Variants in TCF12 observed in about 807,000 individuals in gnomAD.
TCF12 encodes transcription factor 12, also known as DNA-binding protein HTF4.
TCF12 carries 45 observed loss-of-function variants against 86.0 expected under a neutral mutation model. That is an observed-to-expected ratio of 0.52 (90% CI 0.41 to 0.67). TCF12 has a LOEUF of 0.67. Ranked by LOEUF, TCF12 falls within the 30% of genes least tolerant of loss-of-function variation. The probability of loss-of-function intolerance (pLI) is 0.00; values close to 1 mark genes in which losing one functional copy is unlikely to be tolerated. For synonymous variants in TCF12, 330 were observed against 299.6 expected, an observed-to-expected ratio of 1.10 and a Z score of -1.05; for missense variants, 881 against 859.9, an observed-to-expected ratio of 1.02 and a Z score of -0.31.
chr15:57,138,106 G>C (rs1364821172), intron 5 of TCF12, among the ~76,000 whole-genome samples: 1 of 152,042 alleles, frequency 6.6e-6, no homozygotes, highest in Non-Finnish European at 1.5e-5. Flanking sequence ...CCTTAAGCCA[G>C]TTCTCTCCTT....
chr15:57,223,425 G>GC (rs1203442224), intron 8 of TCF12, among the ~76,000 whole-genome samples: 8 of 151,970 alleles, frequency 5.3e-5, no homozygotes, highest in African/African-American at 1.9e-4. Flanking sequence ...ACTGGGAAAA[G>GC]CACAAGGCCA....
At chr15:57,152,946 C>T (rs1013219002) in intron 5 of TCF12, among the ~76,000 whole-genome samples, 3 of 151,064 alleles carry the variant, frequency 2.0e-5, no homozygotes, top group Admixed American at 6.6e-5. Flanking sequence ...CAACCAGAGG[C>T]AGAAAAAAAA....
intron 8 of TCF12, chr15:57,214,255 A>T (rs1246967311): frequency 6.6e-6 from 1 of 152,208 alleles, no homozygotes; most frequent in Non-Finnish European, 1.5e-5. Flanking sequence ...CAGTAATTAT[A>T]TAGTTCTGTC....
chr15:57,265,958 T>C (rs979109753), intron 18 of TCF12, among the ~76,000 whole-genome samples: 1 of 152,190 alleles, frequency 6.6e-6, no homozygotes, highest in Non-Finnish European at 1.5e-5. Flanking sequence ...CCTCATTGAC[T>C]GAAATGTTAT....
chr15:57,184,746 G>C (rs929153707), intron 6 of TCF12, among the ~76,000 whole-genome samples: 8 of 151,922 alleles, frequency 5.3e-5, no homozygotes, highest in Non-Finnish European at 1.2e-4. Context: ...CCCAGCCTGA[G>C]CAAAATAAAA....
intron 7 of TCF12, among the ~76,000 whole-genome samples, chr15:57,195,679 A>G (rs1336670566): frequency 2.0e-5 from 3 of 152,140 alleles, no homozygotes; most frequent in Admixed American, 2.0e-4. Context: ...TGGGATATTC[A>G]CTGTAGAGAA....
At chr15:56,941,415 C>T (rs961481453) in intron 3 of TCF12, among the ~76,000 whole-genome samples, 3 of 151,410 alleles carry the variant, frequency 2.0e-5, no homozygotes, top group Non-Finnish European at 4.4e-5. Context: ...TGTTGTTGCC[C>T]AGGCTGGAGT....
intron 6 of TCF12, among the ~76,000 whole-genome samples, chr15:57,173,713 C>CTT (rs201899689): frequency 1.4e-5 from 2 of 141,924 alleles, no homozygotes. Flanking sequence ...ATCTTTTTTT[C>CTT]TTTTTTTTTT....
intron 3 of TCF12, among the ~76,000 whole-genome samples, chr15:56,962,654 T>G (rs2140594408): frequency 6.6e-6 from 1 of 152,294 alleles, no homozygotes; most frequent in Middle Eastern, 3.4e-3. Flanking sequence ...TGTAACCTAC[T>G]TAGGCCTCAG....
chr15:57,170,702 TATAA>T (rs2055336470), intron 6 of TCF12, among the ~76,000 whole-genome samples: 1 of 6,216 alleles, frequency 1.6e-4, no homozygotes, highest in African/African-American at 5.1e-4. Context: ...ATATATTATA[TATAA>T]TATATAATAT....
At chr15:57,214,585 A>G (rs994170836) in intron 8 of TCF12, among the ~76,000 whole-genome samples, 9 of 152,326 alleles carry the variant, frequency 5.9e-5, no homozygotes, top group Admixed American at 5.9e-4. Flanking sequence ...TTTGTAAAGA[A>G]ACAGTATGAC....
intron 3 of TCF12, among the ~76,000 whole-genome samples, chr15:56,990,635 C>A (rs1047175343): frequency 6.6e-6 from 1 of 152,182 alleles, no homozygotes; most frequent in East Asian, 1.9e-4. Flanking sequence ...CTCTACATAT[C>A]TGTTGGCCTG....
At chr15:57,007,800 T>TTCTTTCTTTCTTTCTTTCTCTCTCTCTC (rs2064509192) in intron 3 of TCF12, among the ~76,000 whole-genome samples, 1 of 133,490 alleles carries the variant, frequency 7.5e-6, no homozygotes, top group African/African-American at 2.7e-5. Flanking sequence ...CTCTCTTTCT[T>TTCTTTCTTTCTTTCTTTCTCTCTCTCTC]TCTTTCTTTC....
chr15:57,002,788 C>T (rs917356035), intron 3 of TCF12, among the ~76,000 whole-genome samples: 7 of 152,164 alleles, frequency 4.6e-5, no homozygotes, highest in Admixed American at 1.3e-4. Flanking sequence ...CAGTCTATGG[C>T]GCTTCTCATG....
intron 8 of TCF12, among the ~76,000 whole-genome samples, chr15:57,212,688 G>A (rs2058163740): frequency 6.6e-6 from 1 of 152,192 alleles, no homozygotes; most frequent in South Asian, 2.1e-4. Context: ...GGGGTGGAGT[G>A]CATAATAAAA....
At chr15:57,199,255 G>A (rs1432115581) in intron 8 of TCF12, among the ~76,000 whole-genome samples, 1 of 152,116 alleles carries the variant, frequency 6.6e-6, no homozygotes, top group Non-Finnish European at 1.5e-5. Context: ...TAACAGTTGT[G>A]TGCTATGCAG....
intron 3 of TCF12, among the ~76,000 whole-genome samples, chr15:57,041,923 A>G (rs987687344): frequency 1.3e-4 from 20 of 152,212 alleles, no homozygotes; most frequent in African/African-American, 4.3e-4. Flanking sequence ...ACAGAAGAAG[A>G]CATGATCATT....
intron 8 of TCF12, among the ~76,000 whole-genome samples, chr15:57,223,644 T>TTTTTTTTTTTTG: frequency 1.4e-4 from 6 of 44,186 alleles, no homozygotes; most frequent in South Asian, 8.2e-4. Flanking sequence ...ACCAATGAGG[T>TTTTTTTTTTTTG]TTTTTTTTTT....
At chr15:57,203,612 G>T (rs1238967870) in intron 8 of TCF12, among the ~76,000 whole-genome samples, 1 of 152,144 alleles carries the variant, frequency 6.6e-6, no homozygotes, top group Non-Finnish European at 1.5e-5. Context: ...AATGTAACTT[G>T]TTTGCAGTCC....
Sources: gnomAD v4.1 joint callset for allele counts (sites outside exome capture counted in the v4.1 genomes callset) on GRCh38, gnomAD v4.1.1 for gene constraint, MANE v1.5 for transcripts, NCBI Gene and HGNC (gene_info 2026-07-23, HGNC 2026-07-21) for gene names.